Variants in DOK5 observed in about 807,000 individuals in gnomAD.
The protein encoded by DOK5 is downstream of tyrosine kinase 5.
A neutral mutation model predicts 43.3 loss-of-function variants in DOK5; 27 were observed. The observed-to-expected ratio is 0.62, with a 90% CI of 0.46 to 0.86. DOK5 has a LOEUF of 0.86. Ranked by LOEUF, DOK5 falls within the 40% of genes least tolerant of loss-of-function variation. DOK5 has a pLI of 0.00. For missense variants in DOK5, 373 were observed against 392.9 expected (o/e 0.95, Z 0.43); for synonymous variants, 146 against 140.1 (o/e 1.04, Z -0.30).
At chr20:54,633,219 C>T (rs1978652416) in intron 6 of DOK5, among the ~76,000 whole-genome samples, 1 of 152,142 alleles carries the variant, frequency 6.6e-6, no homozygotes, top group Non-Finnish European at 1.5e-5. Flanking sequence ...GAACTGCTGA[C>T]CCAGGGCCCA....
chr20:54,635,826 C>T (rs1978798258), intron 6 of DOK5, among the ~76,000 whole-genome samples: 1 of 152,164 alleles, frequency 6.6e-6, no homozygotes, highest in Admixed American at 6.5e-5. Flanking sequence ...TCTATGTTCT[C>T]TCTAGGGATT....
chr20:54,605,916 G>C (rs1986455473), intron 5 of DOK5, among the ~76,000 whole-genome samples: 1 of 152,186 alleles, frequency 6.6e-6, no homozygotes, highest in Admixed American at 6.5e-5. Context: ...ATCTAGGTGA[G>C]AGTTCTTAGC....
chr20:54,513,752 C>A (rs1568761895), intron 1 of DOK5, among the ~76,000 whole-genome samples: 1 of 151,984 alleles, frequency 6.6e-6, no homozygotes, highest in Non-Finnish European at 1.5e-5. Flanking sequence ...TTGTCTTCTG[C>A]AGAATAGGGT....
At chr20:54,599,028 A>G (rs750576079) in intron 5 of DOK5, among the ~76,000 whole-genome samples, 2 of 152,230 alleles carry the variant, frequency 1.3e-5, no homozygotes, top group Non-Finnish European at 2.9e-5. Context: ...TTATTTGAAT[A>G]TTTGAAATAT....
chr20:54,636,871 A>G (rs1322841861), intron 6 of DOK5, among the ~76,000 whole-genome samples: 1 of 152,164 alleles, frequency 6.6e-6, no homozygotes, highest in Non-Finnish European at 1.5e-5. Context: ...TCGCCTCCCA[A>G]AACAGTCACG....
intron 2 of DOK5, among the ~76,000 whole-genome samples, chr20:54,573,510 A>AC (rs921369962): frequency 4.0e-5 from 6 of 151,768 alleles, no homozygotes; most frequent in African/African-American, 9.7e-5. Context: ...ATATGGTGAA[A>AC]CCCCATCTCT....
rs566880884 is a variant in DOK5, at chr20:54,588,538, A to G, written c.230A>G (p.Lys77Arg). The change falls in exon 3 of 8, where the codon AAA becomes AGA. Residue 77 changes from lysine to arginine, a missense_variant. Transcript: ENST00000262593. Reference protein sequence around the residue: ...NVARLPKSTKKHAIGIYFNDD... With the variant: ...NVARLPKSTKRHAIGIYFNDD... ...GCTCGATTGCCAAAAAGCACCAAGA[A>G]ACATGCCATAGGGATTTATTTCAAT... is the stretch of plus-strand genomic sequence containing the variant. 80 of 1,614,188 alleles carry G rather than the reference A, an allele frequency of 5.0e-5. 1 individual carries two copies. In the South Asian group the frequency reaches 8.1e-4, roughly 16 times the overall value.
At chr20:54,606,388 A>G (rs6098105) in intron 5 of DOK5, among the ~76,000 whole-genome samples, 25,182 of 152,112 alleles carry the variant, frequency 0.17, 3,737 homozygotes, top group African/African-American at 0.39. Context: ...GTAAAAATCA[A>G]TGGGTAAAGA....
At chr20:54,516,966 C>T (rs1341371270) in intron 1 of DOK5, among the ~76,000 whole-genome samples, 2 of 152,148 alleles carry the variant, frequency 1.3e-5, no homozygotes, top group African/African-American at 2.4e-5. Context: ...CTCGTGTTAC[C>T]GAGTTCCTTG....
rs114025120 is a variant in DOK5 at position 54,650,746 on chromosome 20, C to A, written c.*267C>A. 3.9e-5 allele frequency: 13 copies of A among 332,788 alleles called. No homozygotes were observed. The highest frequency in any genetic ancestry group is 2.8e-4 in the African/African-American group (13 of 46,878). The allele number at this position is 332,788 out of a possible 1,614,324, so 20.6% of individuals were successfully genotyped here. On this transcript the variant is annotated 3_prime_UTR_variant, in exon 8 of 8. Transcript: ENST00000262593. ...CAGCTGGACAGAAAGAAGTCAATGT[C>A]ACGAAATGATTTTCTATTGTAGATA...
chr20:54,619,464 T>C (rs1444358152), intron 6 of DOK5, among the ~76,000 whole-genome samples: 1 of 152,204 alleles, frequency 6.6e-6, no homozygotes, highest in Non-Finnish European at 1.5e-5. Flanking sequence ...ATTCCACGAC[T>C]GGGCTTGTCA....
intron 2 of DOK5, among the ~76,000 whole-genome samples, chr20:54,578,994 T>C (rs1160653518): frequency 6.6e-6 from 1 of 152,212 alleles, no homozygotes; most frequent in East Asian, 1.9e-4. Flanking sequence ...TTATATGACA[T>C]TATTGTTTGT....
chr20:54,531,024 C>A (rs1983754013), intron 1 of DOK5, among the ~76,000 whole-genome samples: 1 of 152,108 alleles, frequency 6.6e-6, no homozygotes, highest in African/African-American at 2.4e-5. Context: ...GAGCTTGAGG[C>A]AATATTTCTG....
chr20:54,616,169 T>G (rs1456756061), intron 6 of DOK5, among the ~76,000 whole-genome samples: 1 of 152,196 alleles, frequency 6.6e-6, no homozygotes, highest in Non-Finnish European at 1.5e-5. Context: ...TTTGTGTAAT[T>G]TCTAAACCTC....
At chr20:54,562,627 A>G (rs1004838053) in intron 2 of DOK5, among the ~76,000 whole-genome samples, 3 of 152,082 alleles carry the variant, frequency 2.0e-5, no homozygotes, top group African/African-American at 7.2e-5. Flanking sequence ...TACATTGTCC[A>G]TGCTGGTCTC....
At chr20:54,564,720 G>A (rs1985035751) in intron 2 of DOK5, among the ~76,000 whole-genome samples, 1 of 152,218 alleles carries the variant, frequency 6.6e-6, no homozygotes, top group Non-Finnish European at 1.5e-5. Context: ...GGGGGCAGGA[G>A]TCACAAACGT....
intron 1 of DOK5, among the ~76,000 whole-genome samples, chr20:54,522,512 T>C (rs1204552070): frequency 6.6e-6 from 1 of 150,960 alleles, no homozygotes; most frequent in African/African-American, 2.5e-5. Flanking sequence ...CTTTTTCTTT[T>C]TCTTTCTTTC....
chr20:54,541,597 G>A (rs1984160143), intron 1 of DOK5, among the ~76,000 whole-genome samples: 3 of 151,838 alleles, frequency 2.0e-5, no homozygotes, highest in Admixed American at 6.6e-5. Context: ...CACCATGCCC[G>A]GCTAATTTTT....
intron 6 of DOK5, among the ~76,000 whole-genome samples, chr20:54,630,803 A>C (rs1978528395): frequency 6.6e-6 from 1 of 152,242 alleles, no homozygotes; most frequent in South Asian, 2.1e-4. Context: ...TATAGCAGCA[A>C]CATAAGCAAT....
Sources: gnomAD v4.1 joint callset for allele counts (sites outside exome capture counted in the v4.1 genomes callset) on GRCh38, gnomAD v4.1.1 for gene constraint, MANE v1.5 for transcripts, NCBI Gene and HGNC (gene_info 2026-07-23, HGNC 2026-07-21) for gene names.